The following RUBCNL variants were observed in gnomAD, a reference collection of about 807,000 sequenced individuals.
The protein encoded by RUBCNL is rubicon like autophagy enhancer.
RUBCNL carries 62 observed loss-of-function variants against 69.5 expected under a neutral mutation model. The ratio of observed to expected loss-of-function variants is 0.89; its 90% confidence interval spans 0.73 to 1.10. The LOEUF (loss-of-function observed/expected upper bound fraction) is 1.10, where lower values mean the gene tolerates loss of function less well. Among genes scored for constraint, RUBCNL ranks in the 50% least tolerant of loss-of-function variants. RUBCNL has a pLI of 0.00. For synonymous variants in RUBCNL, 291 were observed against 303.6 expected (o/e 0.96, Z 0.43); for missense variants, 768 against 798.1 (o/e 0.96, Z 0.45).
intron 6 of RUBCNL, 69 bp from the exon 7 acceptor site, chr13:46,362,667 T>C (rs1318080248): frequency 1.9e-6 from 2 of 1,072,680 alleles, no homozygotes; most frequent in Non-Finnish European, 2.8e-6. Context: ...GTCCATTTTA[T>C]AAGAACACTA....
At chr13:46,368,340 A>G in intron 4 of RUBCNL, 91 bp from the exon 5 acceptor site, 1 of 1,445,776 alleles carries the variant, frequency 6.9e-7, no homozygotes, top group Non-Finnish European at 9.3e-7. Flanking sequence ...GCTCTATTTA[A>G]GTGGAATTAA....
chr13:46,338,941 G>C lies in RUBCNL; in HGVS notation c.*4444C>G, dbSNP rs568615990. ...ACATGCCTGTGGTCCCAGCTACTAG[G>C]GAAGCTGAGGCAGGAAAATCGCTTG... is the stretch of plus-strand genomic sequence containing the variant. On this transcript the variant is annotated 3_prime_UTR_variant, in exon 15 of 15. Transcript: ENST00000429979. 6.6e-6 allele frequency among the ~76,000 whole-genome samples: 1 copy of C among 152,022 alleles called. No individual in the cohort carries two copies. The highest frequency in any genetic ancestry group is 2.4e-5 in the African/African-American group (1 of 41,446).
At chr13:46,379,146 G>A (rs1212542278) in intron 1 of RUBCNL, among the ~76,000 whole-genome samples, 2 of 151,860 alleles carry the variant, frequency 1.3e-5, no homozygotes, top group South Asian at 2.1e-4. Context: ...GCACAATCTC[G>A]GCTCACTGTG....
intron 5 of RUBCNL, 87 bp downstream of exon 5, chr13:46,367,955 A>C (rs2048794755): frequency 7.9e-7 from 1 of 1,262,910 alleles, no homozygotes; most frequent in African/African-American, 1.5e-5. Flanking sequence ...GAGTCTTGGA[A>C]TATATGCCCC....
chr13:46,359,087 T>C (rs1057469628), intron 9 of RUBCNL, among the ~76,000 whole-genome samples: 3 of 151,890 alleles, frequency 2.0e-5, no homozygotes, highest in Non-Finnish European at 4.4e-5. Flanking sequence ...AACACCAGCC[T>C]GGGCAACATG....
intron 3 of RUBCNL, 141 bp downstream of exon 3, chr13:46,371,800 C>A: frequency 2.5e-6 from 2 of 809,606 alleles, no homozygotes; most frequent in Middle Eastern, 2.9e-4. Context: ...CCTGTTGTGA[C>A]CGCCCAGATG....
At chr13:46,345,722 T>A in intron 12 of RUBCNL, 122 bp from the exon 13 acceptor site, 1 of 944,462 alleles carries the variant, frequency 1.1e-6, no homozygotes, top group Non-Finnish European at 1.5e-6. Context: ...ATTTAAAAAA[T>A]AAATAGCTCC....
rs774499573 is a variant in RUBCNL, at chr13:46,344,767, T to C, written c.1850A>G (p.Gln617Arg). Residue 617 changes from glutamine (Q) to arginine (R), a missense_variant, in exon 14 of 15, where the codon CAG becomes CGG. Physicochemically the swap from Gln to Arg is conservative, Grantham distance 43 (BLOSUM62 1). Transcript: ENST00000429979. ...TGAACATCTTCTACATGTTGCTGTC[T>C]GAAATGGGAAGATGACAGTCGTATT... ...CQNTTVIFPF[Q>R]TATCRRCSAC... 1 of 1,610,756 alleles carries C rather than the reference T, an allele frequency of 6.2e-7. No homozygotes were observed. The highest frequency in any genetic ancestry group is 1.1e-5 in the South Asian group (1 of 90,472).
In RUBCNL at chr13:46,340,432, A is replaced by C. The variant is rs1051305990; in HGVS notation, c.*2953T>G. ...ATTACCATTTGCCCTTGCTTGTACC[A>C]GGCCTTTTAGTGGGTGCTTCATTTT... On this transcript the variant is annotated 3_prime_UTR_variant, in exon 15 of 15. Coordinates refer to ENST00000429979, the MANE Select transcript of RUBCNL (RefSeq NM_025113.5). Among the ~76,000 whole-genome samples, 4 of 152,120 alleles carry C rather than the reference A, an allele frequency of 2.6e-5. No homozygotes were observed. The highest frequency in any genetic ancestry group is 5.9e-5 in the Non-Finnish European group (4 of 68,010).
At chr13:46,368,549 T>G in intron 4 of RUBCNL, 184 bp downstream of exon 4, 1 of 961,300 alleles carries the variant, frequency 1.0e-6, no homozygotes, top group African/African-American at 1.8e-5. Flanking sequence ...ACTTTCCAGC[T>G]GAGCACAGGC....
rs1425700092 is a variant in RUBCNL at position 46,335,181 on chromosome 13, C to T, written c.*8204G>A. ...CTGGGCTCGATCGATCCTCCCACCT[C>T]AGCCTCCTGGGTAGCTGGGAATACT... On this transcript the variant is annotated 3_prime_UTR_variant, in exon 15 of 15. Transcript: ENST00000429979. Among the ~76,000 whole-genome samples the T allele has an allele frequency of 1.3e-5, 2 of 151,768 alleles. No homozygotes were observed. The highest frequency in any genetic ancestry group is 3.9e-4 in the East Asian group (2 of 5,178).
chr13:46,372,322 C>G lies in RUBCNL; in HGVS notation c.154G>C (p.Val52Leu), dbSNP rs1404738446. ...TGCACATCCTGGGGGTTAATCCAGA[C>G]AGCTTTGTGCCTCATGAGCCTGATG... Reference protein sequence around the residue: ...LDIRLMRHKAVWINPQDVQQQ... With the variant: ...LDIRLMRHKALWINPQDVQQQ... Residue 52 changes from valine (V) to leucine (L), a missense_variant, in exon 3 of 15, where the codon GTC becomes CTC. Coordinates refer to ENST00000429979, the MANE Select transcript of RUBCNL (RefSeq NM_025113.5). 6.2e-7 allele frequency: 1 copy of G among 1,614,000 alleles called. No individual in the cohort carries two copies. Among genetic ancestry groups the G allele is most frequent in the South Asian group, 1.1e-5 (1 of 91,084 alleles).
intron 12 of RUBCNL, among the ~76,000 whole-genome samples, chr13:46,347,776 G>A (rs1008896409): frequency 1.3e-5 from 2 of 152,150 alleles, no homozygotes; most frequent in African/African-American, 4.8e-5. Context: ...CAGATCACGA[G>A]GTCAGGAGAT....
At chr13:46,363,257 A>G in intron 5 of RUBCNL, 44 bp from the exon 6 acceptor site, 1 of 1,136,384 alleles carries the variant, frequency 8.8e-7, no homozygotes, top group South Asian at 1.8e-5. Context: ...AAGAAGAAAA[A>G]GAAAAACTGT....
In RUBCNL at chr13:46,337,011, T is replaced by C. The variant is rs1283997815; in HGVS notation, c.*6374A>G. Among the ~76,000 whole-genome samples, 3 of 152,020 alleles carry C rather than the reference T, an allele frequency of 2.0e-5. No homozygotes were observed. The highest frequency in any genetic ancestry group is 4.8e-5 in the African/African-American group (2 of 41,394). On this transcript the variant is annotated 3_prime_UTR_variant, in exon 15 of 15. Coordinates refer to ENST00000429979, the MANE Select transcript of RUBCNL (RefSeq NM_025113.5). ...CATGTGTTGAAGACCTAACCCCCAA[T>C]TGTGACAGTATTAGGAGGTGGAGCC... is the stretch of plus-strand genomic sequence containing the variant.
In RUBCNL at chr13:46,343,428, G is replaced by C; in HGVS notation, c.1946C>G (p.Ala649Gly). The C allele has an allele frequency of 6.2e-7, 1 of 1,613,846 alleles. No individual in the cohort carries two copies. Among genetic ancestry groups the C allele is most frequent in the Non-Finnish European group, 8.5e-7 (1 of 1,179,856 alleles). ...CACACTTTCCAGAAGTTTTCTCCTC[G>C]CTGTGATCCTCGCACACCGGGGGCA... is the stretch of plus-strand genomic sequence containing the variant. ...SECPRCARIT[A>G]RRKLLESVAS... Residue 649 changes from alanine to glycine, a missense_variant, in exon 15 of 15, where the codon GCG (alanine) becomes GGG (glycine). Coordinates refer to ENST00000429979, the MANE Select transcript of RUBCNL (RefSeq NM_025113.5).
chr13:46,344,591 C>A (rs995138164), intron 14 of RUBCNL, 150 bp downstream of exon 14: 3 of 623,782 alleles, frequency 4.8e-6, no homozygotes, highest in Non-Finnish European at 8.4e-6. Context: ...ATCCAGCATA[C>A]AAGCACACAC....
At chr13:46,343,564 C>A in intron 14 of RUBCNL, 67 bp from the exon 15 acceptor site, 1 of 1,513,364 alleles carries the variant, frequency 6.6e-7, no homozygotes, top group Non-Finnish European at 9.0e-7. Context: ...TGCAGACATT[C>A]GTCTCCATCC....
chr13:46,371,583 C>T (rs1366974168), intron 3 of RUBCNL, among the ~76,000 whole-genome samples: 1 of 152,148 alleles, frequency 6.6e-6, no homozygotes, highest in African/African-American at 2.4e-5. Context: ...GAAATGCAGA[C>T]CCCGTGGCTG....
Sources: allele counts gnomAD v4.1 joint callset (sites outside exome capture counted in the v4.1 genomes callset), GRCh38; gene constraint gnomAD v4.1.1; transcripts MANE v1.5; gene names NCBI Gene and HGNC (gene_info 2026-07-23, HGNC 2026-07-21).